Variants in PAIP2B observed in about 807,000 individuals in gnomAD.
PAIP2B encodes the protein polyadenylate-binding protein-interacting protein 2B.
In PAIP2B, 13 loss-of-function variants were observed where a neutral mutation model predicts 17.0. That is an observed-to-expected ratio of 0.76 (90% confidence interval 0.50 to 1.22). The LOEUF is 1.22. Ranked by LOEUF, PAIP2B falls within the 50% of genes most tolerant of loss-of-function variation. The probability of loss-of-function intolerance (pLI) is 0.00; values close to 1 mark genes in which losing one functional copy is unlikely to be tolerated. For synonymous variants in PAIP2B, 43 were observed against 48.7 expected (o/e 0.88, Z 0.48); for missense variants, 117 against 144.5 (o/e 0.81, Z 0.98).
intron 2 of PAIP2B, among the ~76,000 whole-genome samples, chr2:71,193,103 TCTTTTTTTTTA>T (rs1211592752): frequency 5.3e-5 from 8 of 152,180 alleles, no homozygotes; most frequent in African/African-American, 1.9e-4. Flanking sequence ...ACGTGTTTTT[TCTTTTTTTTTA>T]CTTTTTAGTC....
In PAIP2B at chr2:71,188,402, C is replaced by G; in HGVS notation, c.*77G>C. 1.5e-6 allele frequency: 2 copies of G among 1,353,534 alleles called. No homozygotes were observed. The highest frequency in any genetic ancestry group is 2.1e-6 in the Non-Finnish European group (2 of 966,158). The allele number at this position is 1,353,534 out of a possible 1,614,324, so 83.8% of individuals were successfully genotyped here. ...TGCACCCCTCGCCCGCCCCATCCCC[C>G]TCTTCAGCTCCACCATTTTGTGCAT... On this transcript the variant is annotated 3_prime_UTR_variant, in exon 4 of 4. Transcript: ENST00000244221.
rs1178536334 is a variant in PAIP2B, at chr2:71,186,832, A to T, written c.*1647T>A. The T allele has an allele frequency of 2.0e-5, 3 of 152,300 alleles. No homozygotes were observed. In the East Asian group the frequency reaches 5.8e-4, roughly 29 times the overall value. The allele number at this position is 152,300 out of a possible 1,614,324, so 9.4% of individuals were successfully genotyped here. ...CCTAACAAGGAAGGCAATTTTTTCA[A>T]ATGATATAATCCTAAAGACTCAAAT... On this transcript the variant is annotated 3_prime_UTR_variant, in exon 4 of 4. Coordinates refer to ENST00000244221, the MANE Select transcript of PAIP2B (RefSeq NM_020459.1).
chr2:71,199,498 CA>C (rs1232330939), intron 2 of PAIP2B, among the ~76,000 whole-genome samples: 12 of 151,748 alleles, frequency 7.9e-5, no homozygotes, highest in African/African-American at 2.9e-4. Flanking sequence ...CCTGAATAGC[CA>C]GTGAGAGTGT....
chr2:71,223,800 G>T (rs1675652700), intron 1 of PAIP2B, among the ~76,000 whole-genome samples: 1 of 152,132 alleles, frequency 6.6e-6, no homozygotes, highest in Admixed American at 6.6e-5. Context: ...ATGAATATAT[G>T]ATAACTGAAT....
rs923798274 is a variant in PAIP2B at position 71,184,098 on chromosome 2, T to C, written c.*4381A>G. 1 of 152,356 alleles carries C rather than the reference T, an allele frequency of 6.6e-6. No individual in the cohort carries two copies. The highest frequency in any genetic ancestry group is 2.4e-5 in the African/African-American group (1 of 41,580). The allele number at this position is 152,356 out of a possible 1,614,324, so 9.4% of individuals were successfully genotyped here. ...GCACATTTTAGTAACTGTACACTAG[T>C]ACAATGTTTTTAAGATTTTATCTCA... On this transcript the variant is annotated 3_prime_UTR_variant, in exon 4 of 4. Transcript: ENST00000244221.
At chr2:71,213,694 A>G (rs1428693578) in intron 1 of PAIP2B, among the ~76,000 whole-genome samples, 2 of 152,232 alleles carry the variant, frequency 1.3e-5, no homozygotes, top group African/African-American at 2.4e-5. Context: ...GGCAGATTTT[A>G]TGTCTAAATT....
intron 1 of PAIP2B, among the ~76,000 whole-genome samples, chr2:71,224,731 C>G (rs1675677806): frequency 6.6e-6 from 1 of 152,216 alleles, no homozygotes; most frequent in Admixed American, 6.5e-5. Context: ...GAACCTCACT[C>G]TCTGCATTTA....
At chr2:71,195,183 T>C (rs111564160) in intron 2 of PAIP2B, among the ~76,000 whole-genome samples, 6,387 of 152,316 alleles carry the variant, frequency 0.042, 167 homozygotes, top group African/African-American at 0.066. Context: ...TGAAGTTTTC[T>C]TGTTTTGTTG....
intron 1 of PAIP2B, among the ~76,000 whole-genome samples, chr2:71,213,054 G>A (rs1164346091): frequency 1.3e-5 from 2 of 152,068 alleles, no homozygotes; most frequent in East Asian, 3.8e-4. Flanking sequence ...CCTGGCCTGG[G>A]GAGCAGTGGG....
chr2:71,188,390 C>A lies in PAIP2B; in HGVS notation c.*89G>T. 1 of 1,189,252 alleles carries A rather than the reference C, an allele frequency of 8.4e-7. No individual in the cohort carries two copies. 73.7% of individuals were successfully genotyped at this position (1,189,252 alleles called of 1,614,324 possible). The stretch of plus-strand genomic sequence containing the variant: ...CCCTTCCCGCTGTGCACCCCTCGCC[C>A]GCCCCATCCCCCTCTTCAGCTCCAC... On this transcript the variant is annotated 3_prime_UTR_variant, in exon 4 of 4. Coordinates refer to ENST00000244221, the MANE Select transcript of PAIP2B (RefSeq NM_020459.1).
chr2:71,206,456 T>G (rs896213726), intron 1 of PAIP2B, among the ~76,000 whole-genome samples: 2 of 152,198 alleles, frequency 1.3e-5, no homozygotes, highest in Non-Finnish European at 2.9e-5. Context: ...ACCCTGTTAA[T>G]AGTCAATACA....
intron 2 of PAIP2B, 62 bp from the exon 3 acceptor site, chr2:71,190,083 T>A (rs1674648539): frequency 6.1e-6 from 9 of 1,475,208 alleles, no homozygotes; most frequent in Non-Finnish European, 6.4e-6. Flanking sequence ...CCTTCCAGTT[T>A]TTCCTCCACC....
At chr2:71,196,834 A>G (rs971032107) in intron 2 of PAIP2B, among the ~76,000 whole-genome samples, 2 of 151,288 alleles carry the variant, frequency 1.3e-5, no homozygotes, top group African/African-American at 4.9e-5. Flanking sequence ...TAGGATTGCA[A>G]CCCCTGCTTT....
chr2:71,192,326 C>T (rs1674706505), intron 2 of PAIP2B, among the ~76,000 whole-genome samples: 1 of 150,320 alleles, frequency 6.7e-6, no homozygotes, highest in East Asian at 2.0e-4. Context: ...AGCCTATTGG[C>T]GCCTTTTTAT....
rs140079064 is a variant in PAIP2B, at chr2:71,221,881, C to T, written c.-12+5047G>A. ...GCGCCAATCAGCGCTCTGTAAAATGCACCAATCAGCAGGACCCTAAAAGTA... is the reference window on the plus strand; with the variant it reads ...GCGCCAATCAGCGCTCTGTAAAATGTACCAATCAGCAGGACCCTAAAAGTA... On this transcript the variant is annotated intron_variant, in intron 1 of 3. Transcript: ENST00000244221. 3.3e-5 allele frequency among the ~76,000 whole-genome samples: 5 copies of T among 151,996 alleles called. No individual in the cohort carries two copies. In the East Asian group the frequency reaches 9.7e-4, roughly 29 times the overall value.
intron 1 of PAIP2B, among the ~76,000 whole-genome samples, chr2:71,226,658 G>C (rs969659477): frequency 1.3e-5 from 2 of 152,076 alleles, no homozygotes. Flanking sequence ...GGAGTCGGGG[G>C]GAAACAGAGC....
At chr2:71,226,824 C>G (rs558708114) in intron 1 of PAIP2B, 104 bp downstream of exon 1, 1 of 152,412 alleles carries the variant, frequency 6.6e-6, no homozygotes, top group East Asian at 1.9e-4. Context: ...CCGCCCTTCA[C>G]AGCCCCGACG....
chr2:71,206,598 A>G (rs1346392580), intron 1 of PAIP2B, among the ~76,000 whole-genome samples: 1 of 152,224 alleles, frequency 6.6e-6, no homozygotes, highest in African/African-American at 2.4e-5. Flanking sequence ...AGGACTTTTA[A>G]TGTATCTAGG....
At position 71,185,216 on chromosome 2, in the gene PAIP2B, G is replaced by A. The variant is rs1674505283; in HGVS notation, c.*3263C>T. On this transcript the variant is annotated 3_prime_UTR_variant, in exon 4 of 4. Transcript: ENST00000244221. ...AATAGTAATAAACAATTTGGAAAAT[G>A]TTGCTTAGTATTTTAAGCCATGGTT... 6.6e-6 allele frequency: 1 copy of A among 152,190 alleles called. No homozygotes were observed. Among genetic ancestry groups the A allele is most frequent in the South Asian group, 2.1e-4 (1 of 4,824 alleles). 9.4% of individuals were successfully genotyped at this position (152,190 alleles called of 1,614,324 possible). A position where few individuals can be genotyped will look rare whatever the true frequency, so the allele number is the denominator to read the frequency against.
Sources: gnomAD v4.1 joint callset for allele counts (sites outside exome capture counted in the v4.1 genomes callset) on GRCh38, gnomAD v4.1.1 for gene constraint, MANE v1.5 for transcripts, NCBI Gene and HGNC (gene_info 2026-07-23, HGNC 2026-07-21) for gene names.